Variants in OIP5 observed in about 807,000 individuals in gnomAD.
The protein encoded by OIP5 is protein Mis18-beta.
OIP5 carries 24 observed loss-of-function variants against 20.3 expected under a neutral mutation model. The ratio of observed to expected loss-of-function variants is 1.18; its 90% CI spans 0.86 to 1.66. The LOEUF is 1.66. Among genes scored for constraint, OIP5 ranks in the 40% most tolerant of loss-of-function variants. The probability of loss-of-function intolerance (pLI) is 0.00; values close to 1 mark genes in which losing one functional copy is unlikely to be tolerated. For missense variants in OIP5, 339 were observed against 289.5 expected, an observed-to-expected ratio of 1.17 and a Z score of -1.24; for synonymous variants, 143 against 121.3, an observed-to-expected ratio of 1.18 and a Z score of -1.17.
At chr15:41,332,097 C>T in intron 1 of OIP5, 116 bp from the exon 2 acceptor site, 2 of 1,338,214 alleles carry the variant, frequency 1.5e-6, no homozygotes, top group South Asian at 1.2e-5. Flanking sequence ...GATTCCCTGC[C>T]CCATCCCCAG....
At chr15:41,323,748 CAT>C (rs1467238024) in intron 2 of OIP5, among the ~76,000 whole-genome samples, 1 of 151,850 alleles carries the variant, frequency 6.6e-6, no homozygotes, top group African/African-American at 2.4e-5. Context: ...TGGGATTACA[CAT>C]GTGAGTCACT....
At position 41,332,491 on chromosome 15, in the gene OIP5, G is replaced by A. The variant is rs369380332; in HGVS notation, c.71C>T (p.Thr24Ile). 5.0e-6 allele frequency: 8 copies of A among 1,613,944 alleles called. No homozygotes were observed. The highest frequency in any genetic ancestry group is 6.8e-6 in the Non-Finnish European group (8 of 1,179,942). The change falls in exon 1 of 5, where the codon ACT (threonine) becomes ATT (isoleucine). Residue 24 changes from threonine (T) to isoleucine (I), a missense_variant. Coordinates refer to ENST00000220514, the MANE Select transcript of OIP5 (RefSeq NM_007280.2). ...AGAAGCTTGGTCAATCGCCCTCTCAGTGCCACCACAAAAGTCCCCCCGGGG... is the reference window on the plus strand; with the variant it reads ...AGAAGCTTGGTCAATCGCCCTCTCAATGCCACCACAAAAGTCCCCCCGGGG... ...TPPRGDFCGG[T>I]ERAIDQASFT...
rs754916284 is a variant in OIP5 at position 41,332,328 on chromosome 15, G to C, written c.234C>G (p.Phe78Leu). 1.9e-6 allele frequency: 3 copies of C among 1,611,218 alleles called. No individual in the cohort carries two copies. The highest frequency in any genetic ancestry group is 2.5e-6 in the Non-Finnish European group (3 of 1,178,654). Reference sequence around the variant, plus strand: ...GCACTGCGTGACACTGTGCGCACTGGAACACAGCGCACCTCTCAGGCTGCA... The same window carrying C: ...GCACTGCGTGACACTGTGCGCACTGCAACACAGCGCACCTCTCAGGCTGCA... ...SWLQPERCAV[F>L]QCAQCHAVLA... is the part of the protein sequence containing the mutation. Residue 78 changes from phenylalanine to leucine, a missense_variant, in exon 1 of 5, where the codon TTC becomes TTG. Transcript: ENST00000220514.
chr15:41,321,924 AAAAT>A (rs148885291), intron 2 of OIP5, among the ~76,000 whole-genome samples: 53,444 of 149,418 alleles, frequency 0.36, 10,180 homozygotes, highest in African/African-American at 0.5. Flanking sequence ...GATCAATAAA[AAAAT>A]AAATAAATAA....
intron 3 of OIP5, among the ~76,000 whole-genome samples, chr15:41,314,253 C>G (rs1021157040): frequency 1.3e-5 from 2 of 152,150 alleles, no homozygotes; most frequent in Non-Finnish European, 2.9e-5. Context: ...AGGCTTGCGC[C>G]ACCACGCCCA....
intron 1 of OIP5, 38 bp downstream of exon 1, chr15:41,332,202 C>A (rs773288475): frequency 6.6e-6 from 10 of 1,521,700 alleles, no homozygotes; most frequent in Non-Finnish European, 8.8e-6. Flanking sequence ...CCCTCTCGGG[C>A]TAGCCTCTGC....
intron 3 of OIP5, among the ~76,000 whole-genome samples, chr15:41,313,819 T>A (rs2047773722): frequency 6.6e-6 from 1 of 152,128 alleles, no homozygotes; most frequent in East Asian, 1.9e-4. Flanking sequence ...TGAGTGTCCA[T>A]GGATTTTGGT....
chr15:41,329,252 G>A (rs143312284), intron 2 of OIP5, among the ~76,000 whole-genome samples: 46 of 150,296 alleles, frequency 3.1e-4, no homozygotes, highest in African/African-American at 1.0e-3. Flanking sequence ...AACCCTCTTC[G>A]TAAGTCCCAT....
chr15:41,328,155 G>A (rs965101300), intron 2 of OIP5, among the ~76,000 whole-genome samples: 3 of 152,186 alleles, frequency 2.0e-5, no homozygotes, highest in African/African-American at 7.2e-5. Context: ...GTAATTTCAG[G>A]TATCTGCTTC....
chr15:41,323,850 C>A (rs990167853), intron 2 of OIP5, among the ~76,000 whole-genome samples: 1 of 152,150 alleles, frequency 6.6e-6, no homozygotes, highest in African/African-American at 2.4e-5. Flanking sequence ...AAGGCTGTTT[C>A]ATCTGCACTG....
intron 2 of OIP5, among the ~76,000 whole-genome samples, chr15:41,327,129 A>G (rs2047866832): frequency 6.6e-6 from 1 of 151,830 alleles, no homozygotes; most frequent in Non-Finnish European, 1.5e-5. Context: ...CAAAATATTA[A>G]TAACTGTTGA....
At position 41,332,388 on chromosome 15, in the gene OIP5, C is replaced by T. The variant is rs369135858; in HGVS notation, c.174G>A (p.Glu58=). The change falls in exon 1 of 5, where the codon GAG becomes GAA. Residue 58 remains glutamate, a synonymous_variant. Coordinates refer to ENST00000220514, the MANE Select transcript of OIP5 (RefSeq NM_007280.2). ...SPLGPAGLGA[E]EPAAGPQLPS... is the part of the protein sequence containing the mutation. ...GCAGCTGCGGGCCGGCGGCTGGCTC[C>T]TCAGCCCCCAGCCCTGCGGGGCCGA... is the stretch of plus-strand genomic sequence containing the variant. 190 of 1,613,074 alleles carry T rather than the reference C, an allele frequency of 1.2e-4. 1 individual carries two copies. The highest frequency in any genetic ancestry group is 2.5e-5 in the Non-Finnish European group (29 of 1,179,542).
chr15:41,311,739 AATTTTTCT>A (rs2047755744), intron 4 of OIP5, among the ~76,000 whole-genome samples: 1 of 151,416 alleles, frequency 6.6e-6, no homozygotes, highest in South Asian at 2.1e-4. Context: ...GCGCCTGGCT[AATTTTTCT>A]AGTTTTAGTA....
intron 2 of OIP5, among the ~76,000 whole-genome samples, chr15:41,324,312 ACTT>A (rs754685812): frequency 2.0e-5 from 3 of 151,582 alleles, no homozygotes; most frequent in Admixed American, 2.0e-4. Context: ...GATACTCTAA[ACTT>A]CTTCTGCAGC....
chr15:41,332,041 T>C (rs999072180), intron 1 of OIP5, 60 bp from the exon 2 acceptor site: 9 of 1,521,280 alleles, frequency 5.9e-6, no homozygotes, highest in Admixed American at 3.3e-5. Context: ...GGAAAATCTC[T>C]CCTCTAGACA....
chr15:41,310,653 C>G (rs1014590952), intron 4 of OIP5, among the ~76,000 whole-genome samples: 1 of 151,190 alleles, frequency 6.6e-6, no homozygotes, highest in Non-Finnish European at 1.5e-5. Flanking sequence ...AAAAGATCCT[C>G]AGATGTAAAG....
Position 41,319,787 on chromosome 15 carries a change from G to A in OIP5, c.390-7C>T. 6.2e-7 allele frequency: 1 copy of A among 1,600,348 alleles called. No individual in the cohort carries two copies. The highest frequency in any genetic ancestry group is 8.5e-7 in the Non-Finnish European group (1 of 1,175,228). On this transcript the variant is annotated splice_region_variant and splice_polypyrimidine_tract_variant and intron_variant, in intron 2 of 4. Transcript: ENST00000220514. ...GAATAAAAGGTTGTAAGTACTAGGG[G>A]TGGGGAAAAACACAATATGGGTAAG...
chr15:41,326,593 A>T (rs2047863095), intron 2 of OIP5, among the ~76,000 whole-genome samples: 1 of 152,014 alleles, frequency 6.6e-6, no homozygotes, highest in Admixed American at 6.6e-5. Context: ...ACGCTTGGCT[A>T]ATTTTGTCTT....
In OIP5 at chr15:41,331,915, C is replaced by T; in HGVS notation, c.389G>A (p.Ser130Asn). 1 of 1,613,256 alleles carries T rather than the reference C, an allele frequency of 6.2e-7. No individual in the cohort carries two copies. Among genetic ancestry groups the T allele is most frequent in the South Asian group, 1.1e-5 (1 of 91,058 alleles). Residue 130 changes from serine to asparagine, a missense_variant and splice_region_variant, in exon 2 of 5, where the codon AGT becomes AAT. Transcript: ENST00000220514. ...GACCAATGTAATTATCAATACGTAC[C>T]TGCCTTTGAGTGAACCTTCAATGCC... ...LVGIEGSLKG[S>N]TYNLLFCGSC...
Sources: allele counts gnomAD v4.1 joint callset (sites outside exome capture counted in the v4.1 genomes callset), GRCh38; gene constraint gnomAD v4.1.1; transcripts MANE v1.5; gene names NCBI Gene and HGNC (gene_info 2026-07-23, HGNC 2026-07-21).